The following UNC79 variants were observed in gnomAD, a reference collection of about 807,000 sequenced individuals.
The protein encoded by UNC79 is unc-79 subunit of NALCN channel complex.
A neutral mutation model predicts 283.1 loss-of-function variants in UNC79; 37 were observed. The observed-to-expected ratio is 0.13, with a 90% CI of 0.10 to 0.17. The LOEUF (loss-of-function observed/expected upper bound fraction) is 0.17. Ranked by LOEUF, UNC79 falls within the 10% of genes least tolerant of loss-of-function variation. The pLI is 1.00. For missense variants in UNC79, 2,272 were observed against 3,211.1 expected (o/e 0.71, Z 7.07); for synonymous variants, 1,107 against 1,200.2 (o/e 0.92, Z 1.61).
At chr14:93,496,250 T>C (rs2059007168) in intron 5 of UNC79, among the ~76,000 whole-genome samples, 161 bp from the exon 6 acceptor site, 1 of 152,212 alleles carries the variant, frequency 6.6e-6, no homozygotes, top group African/African-American at 2.4e-5. Flanking sequence ...CAAGGGCTTA[T>C]GTGATATTTT....
intron 7 of UNC79, among the ~76,000 whole-genome samples, chr14:93,500,873 A>C (rs1197633897): frequency 6.6e-6 from 1 of 152,252 alleles, no homozygotes; most frequent in Non-Finnish European, 1.5e-5. Flanking sequence ...GACATACCAA[A>C]GAGTATCATC....
chr14:93,389,621 C>A (rs74653614), intron 1 of UNC79, among the ~76,000 whole-genome samples: 2,119 of 149,792 alleles, frequency 0.014, 64 homozygotes, highest in African/African-American at 0.05. Flanking sequence ...CAACCTAATA[C>A]AAATTCTTCC....
chr14:93,435,289 C>T (rs1181905267), intron 1 of UNC79, among the ~76,000 whole-genome samples: 1 of 152,202 alleles, frequency 6.6e-6, no homozygotes, highest in Non-Finnish European at 1.5e-5. Flanking sequence ...TCTCGTCTTA[C>T]ATGACTTCTC....
chr14:93,704,253 G>A (rs142469059), intron 47 of UNC79, among the ~76,000 whole-genome samples: 12 of 152,278 alleles, frequency 7.9e-5, no homozygotes, highest in East Asian at 1.9e-4. Flanking sequence ...AAATAGAGTC[G>A]CCATTCCACT....
chr14:93,361,772 G>T (rs1423129701), intron 1 of UNC79, among the ~76,000 whole-genome samples: 1 of 152,096 alleles, frequency 6.6e-6, no homozygotes, highest in Non-Finnish European at 1.5e-5. Context: ...TCTTATTCTG[G>T]TTCTCAAGGG....
chr14:93,655,582 A>G (rs1484773264), intron 38 of UNC79, among the ~76,000 whole-genome samples, 175 bp downstream of exon 41: 1 of 151,704 alleles, frequency 6.6e-6, no homozygotes, highest in African/African-American at 2.4e-5. Context: ...TTAGAGAATG[A>G]CAGGAATGTG....
chr14:93,524,003 C>T (rs1567048330), exon 8 of UNC79: 1 of 1,614,118 alleles, frequency 6.2e-7, no homozygotes, highest in Admixed American at 1.7e-5. Context: ...ACTGCCAGCA[C>T]ATTGAATGCC....
chr14:93,618,524 T>C (rs746397097), intron 29 of UNC79, among the ~76,000 whole-genome samples, 170 bp downstream of exon 30: 2 of 152,204 alleles, frequency 1.3e-5, no homozygotes, highest in Non-Finnish European at 2.9e-5. Context: ...AACTTTGAAA[T>C]TGAGCATTCA....
chr14:93,470,770 G>C (rs2057459312), intron 2 of UNC79, among the ~76,000 whole-genome samples: 1 of 152,134 alleles, frequency 6.6e-6, no homozygotes, highest in Non-Finnish European at 1.5e-5. Context: ...TTAGTTCTTT[G>C]TTTGCTTTTA....
intron 15 of UNC79, 125 bp downstream of exon 15, chr14:93,572,209 G>A (rs2063243843): frequency 8.8e-6 from 9 of 1,021,536 alleles, no homozygotes; most frequent in Middle Eastern, 3.3e-4. Flanking sequence ...TAACCACCCT[G>A]TGGAGAAACT....
intron 10 of UNC79, among the ~76,000 whole-genome samples, chr14:93,529,858 T>C (rs185630877): frequency 4.3e-4 from 66 of 152,320 alleles, no homozygotes; most frequent in African/African-American, 1.5e-3. Context: ...ATGCTTCTTG[T>C]AGTTTGTCAG....
intron 5 of UNC79, 45 bp from the exon 6 acceptor site, chr14:93,496,366 C>A: frequency 7.7e-7 from 1 of 1,296,058 alleles, no homozygotes; most frequent in Non-Finnish European, 1.1e-6. Flanking sequence ...GATGTTTTGT[C>A]TGGTATTTAC....
At chr14:93,702,486 G>A (rs538943117) in intron 47 of UNC79, among the ~76,000 whole-genome samples, 46 of 152,316 alleles carry the variant, frequency 3.0e-4, no homozygotes, top group African/African-American at 1.0e-3. Context: ...TCAACAGAAT[G>A]TTAAAAGTCA....
rs1006434641 is a variant in UNC79, at chr14:93,637,077, A to G, written c.5717-139A>G. 2.2e-5 allele frequency: 15 copies of G among 687,160 alleles called. No homozygotes were observed. In the African/African-American group the frequency reaches 2.5e-4, roughly 12 times the overall value. 42.6% of individuals were successfully genotyped at this position (687,160 alleles called of 1,614,324 possible). A position where few individuals can be genotyped will look rare whatever the true frequency, so the allele number is the denominator to read the frequency against. ...AAATAACCCTACCCTAAAATCTAGG[A>G]TGTGTTCTGTAAATGTTAATAATAC... On this transcript the variant is annotated intron_variant, in intron 31 of 48. Transcript: ENST00000555664.
chr14:93,535,678 C>T (rs776331608), intron 11 of UNC79, among the ~76,000 whole-genome samples: 2 of 152,130 alleles, frequency 1.3e-5, no homozygotes, highest in East Asian at 1.9e-4. Context: ...GCTAAGCCAG[C>T]GCCATTGACT....
intron 14 of UNC79, among the ~76,000 whole-genome samples, chr14:93,567,804 A>G (rs2062983230): frequency 6.6e-6 from 1 of 152,232 alleles, no homozygotes; most frequent in Admixed American, 6.5e-5. Context: ...CACCTGTGAC[A>G]CAGCCTCAGG....
intron 1 of UNC79, among the ~76,000 whole-genome samples, chr14:93,416,622 G>A (rs908573687): frequency 6.1e-4 from 87 of 143,716 alleles, no homozygotes; most frequent in African/African-American, 9.6e-4. Context: ...ACAGTGGGGT[G>A]TTAAAGTCTC....
chr14:93,355,888 A>G (rs2054076599), intron 1 of UNC79, among the ~76,000 whole-genome samples: 1 of 152,004 alleles, frequency 6.6e-6, no homozygotes, highest in African/African-American at 2.4e-5. Flanking sequence ...GGCTTGGATA[A>G]TTTTTACTCC....
chr14:93,657,186 G>A (rs2071037551), intron 38 of UNC79, among the ~76,000 whole-genome samples: 1 of 152,132 alleles, frequency 6.6e-6, no homozygotes, highest in Non-Finnish European at 1.5e-5. Flanking sequence ...AGAAGGGTTA[G>A]TACTTTGAAA....
Sources: gnomAD v4.1 joint callset for allele counts (sites outside exome capture counted in the v4.1 genomes callset) on GRCh38, gnomAD v4.1.1 for gene constraint, MANE v1.5 for transcripts, NCBI Gene and HGNC (gene_info 2026-07-23, HGNC 2026-07-21) for gene names.